MRC1: variants seen among roughly 807,000 people sequenced by gnomAD.
The protein encoded by MRC1 is macrophage mannose receptor 1.
In MRC1, 62 loss-of-function variants were observed where a neutral mutation model predicts 102.9. The observed-to-expected ratio is 0.60, with a 90% CI of 0.49 to 0.74. The LOEUF (loss-of-function observed/expected upper bound fraction) is 0.74. Ranked by LOEUF, MRC1 falls within the 30% of genes least tolerant of loss-of-function variation. The pLI, the probability that MRC1 is intolerant of heterozygous loss-of-function variation, is 0.00. For missense variants in MRC1, 1,237 were observed against 862.8 expected (o/e 1.43, Z -5.43); for synonymous variants, 457 against 298.4 (o/e 1.53, Z -5.48).
chr10:17,873,495 C>CT (rs1212793782), intron 15 of MRC1, among the ~76,000 whole-genome samples: 35 of 148,974 alleles, frequency 2.3e-4, no homozygotes, highest in East Asian at 1.8e-3. Flanking sequence ...AACTCATGAT[C>CT]TTTTTTTTTT....
chr10:17,896,348 G>T (rs1178322248), intron 23 of MRC1, among the ~76,000 whole-genome samples: 4 of 152,114 alleles, frequency 2.6e-5, no homozygotes, highest in African/African-American at 9.7e-5. Flanking sequence ...AGCCATCCCA[G>T]TGCATGTCAT....
intron 10 of MRC1, chr10:17,862,772 C>T (rs1254756047): frequency 5.3e-5 from 8 of 152,340 alleles, no homozygotes; most frequent in African/African-American, 1.9e-4. Context: ...AAGTCATCTA[C>T]AACTCTCTCC....
intron 3 of MRC1, among the ~76,000 whole-genome samples, chr10:17,829,992 A>G (rs1838544870): frequency 6.6e-6 from 1 of 151,632 alleles, no homozygotes; most frequent in African/African-American, 2.4e-5. Context: ...AAATAATCGT[A>G]GAAAATAAAT....
chr10:17,830,238 T>G (rs1838548429), intron 3 of MRC1, among the ~76,000 whole-genome samples: 1 of 151,184 alleles, frequency 6.6e-6, no homozygotes, highest in African/African-American at 2.5e-5. Flanking sequence ...CTCAAGTGAT[T>G]CTCCTGCCTC....
chr10:17,867,729 G>T (rs923807864), intron 12 of MRC1, among the ~76,000 whole-genome samples: 1 of 152,068 alleles, frequency 6.6e-6, no homozygotes, highest in South Asian at 2.1e-4. Flanking sequence ...GCCTCTTTTC[G>T]TCTTGATAGA....
At chr10:17,836,349 T>A (rs1041345701) in intron 4 of MRC1, among the ~76,000 whole-genome samples, 123 of 152,354 alleles carry the variant, frequency 8.1e-4, no homozygotes, top group Non-Finnish European at 1.5e-3. Flanking sequence ...CATTAGCCTT[T>A]GGGACCCTTC....
intron 1 of MRC1, among the ~76,000 whole-genome samples, chr10:17,812,956 G>T (rs1391583280): frequency 1.3e-5 from 2 of 152,080 alleles, no homozygotes; most frequent in East Asian, 3.9e-4. Flanking sequence ...CAAACAGTGG[G>T]TCAGGTAGTA....
intron 22 of MRC1, among the ~76,000 whole-genome samples, chr10:17,893,547 C>T (rs1833710911): frequency 6.6e-6 from 1 of 152,050 alleles, no homozygotes; most frequent in Non-Finnish European, 1.5e-5. Flanking sequence ...GTTTCTCTTA[C>T]CTCTACTCCA....
chr10:17,864,995 T>C (rs1554841407), intron 11 of MRC1, among the ~76,000 whole-genome samples: 1 of 152,160 alleles, frequency 6.6e-6, no homozygotes, highest in Non-Finnish European at 1.5e-5. Flanking sequence ...TTACCCTCCC[T>C]AGTAAGATGT....
intron 22 of MRC1, 73 bp downstream of exon 22, chr10:17,885,508 T>C (rs1476036252): frequency 2.0e-5 from 15 of 757,802 alleles, no homozygotes; most frequent in Non-Finnish European, 2.9e-5. Context: ...TTGATTACTG[T>C]TCCATGAAAG....
chr10:17,826,271 C>T (rs1249496705), intron 2 of MRC1, among the ~76,000 whole-genome samples: 3 of 152,156 alleles, frequency 2.0e-5, no homozygotes, highest in South Asian at 2.1e-4. Flanking sequence ...GGCGTGATCT[C>T]GGCTCACAGC....
At chr10:17,885,855 T>C (rs1398763280) in intron 22 of MRC1, among the ~76,000 whole-genome samples, 1 of 143,828 alleles carries the variant, frequency 7.0e-6, no homozygotes, top group Non-Finnish European at 1.6e-5. Flanking sequence ...ATGATCATGA[T>C]CATGAGCTAA....
chr10:17,908,797 G>T (rs1430110253), intron 28 of MRC1, among the ~76,000 whole-genome samples: 1 of 152,164 alleles, frequency 6.6e-6, no homozygotes, highest in African/African-American at 2.4e-5. Flanking sequence ...TCGAACTCCG[G>T]ACCTCAGGTG....
At chr10:17,856,169 CAAAAAAAA>C in intron 8 of MRC1, 65 bp from the exon 9 acceptor site, 3 of 516,876 alleles carry the variant, frequency 5.8e-6, no homozygotes, top group East Asian at 3.9e-5. Context: ...GACACTGTCT[CAAAAAAAA>C]AAAAAAAAAA....
intron 26 of MRC1, among the ~76,000 whole-genome samples, chr10:17,904,431 C>T (rs1833870168): frequency 1.3e-5 from 2 of 152,152 alleles, no homozygotes; most frequent in African/African-American, 2.4e-5. Flanking sequence ...ATCTTTTTCA[C>T]GATGTCAGCT....
chr10:17,875,383 T>G (rs1554842030), intron 17 of MRC1, 130 bp downstream of exon 17: 1 of 691,852 alleles, frequency 1.4e-6, no homozygotes, highest in East Asian at 2.5e-5. Flanking sequence ...CAGTATACGC[T>G]GTACTGAATG....
At chr10:17,811,258 T>A (rs1838216480) in intron 1 of MRC1, among the ~76,000 whole-genome samples, 1 of 152,242 alleles carries the variant, frequency 6.6e-6, no homozygotes, top group African/African-American at 2.4e-5. Context: ...AGTGTCATTT[T>A]AAGTGTACAA....
intron 17 of MRC1, among the ~76,000 whole-genome samples, chr10:17,877,204 C>T (rs1054139221): frequency 4.7e-5 from 7 of 148,268 alleles, no homozygotes; most frequent in Admixed American, 4.1e-4. Context: ...GTTTGAAGAA[C>T]AGATATATCC....
At chr10:17,854,976 C>G (rs1343742351) in intron 8 of MRC1, among the ~76,000 whole-genome samples, 2 of 152,154 alleles carry the variant, frequency 1.3e-5, no homozygotes, top group Non-Finnish European at 2.9e-5. Flanking sequence ...TAGGCGTGAG[C>G]CGCCGCGCTT....
Sources: gnomAD v4.1 joint callset for allele counts (sites outside exome capture counted in the v4.1 genomes callset) on GRCh38, gnomAD v4.1.1 for gene constraint, MANE v1.5 for transcripts, NCBI Gene and HGNC (gene_info 2026-07-23, HGNC 2026-07-21) for gene names.